The following ZNF564 variants were observed in gnomAD, a reference collection of about 807,000 sequenced individuals.
ZNF564 encodes zinc finger protein 564.
A neutral mutation model predicts 10.5 loss-of-function variants in ZNF564; 5 were observed. That is an observed-to-expected ratio of 0.48 (90% CI 0.25 to 1.00). The LOEUF is 1.00. ZNF564 is among the 50% of genes least tolerant of loss of function. ZNF564 has a pLI of 0.16. For synonymous variants in ZNF564, 242 were observed against 218.1 expected, an observed-to-expected ratio of 1.11 and a Z score of -0.97; for missense variants, 603 against 669.7, an observed-to-expected ratio of 0.90 and a Z score of 1.10.
At chr19:12,542,177 T>C (rs1048027096) in intron 1 of ZNF564, among the ~76,000 whole-genome samples, 1 of 150,554 alleles carries the variant, frequency 6.6e-6, no homozygotes, top group Non-Finnish European at 1.5e-5. Flanking sequence ...GGTATGGTGG[T>C]GGGCGCCTGT....
intron 1 of ZNF564, among the ~76,000 whole-genome samples, chr19:12,531,852 T>G (rs1174076392): frequency 1.3e-5 from 2 of 152,194 alleles, no homozygotes. Flanking sequence ...TGAATGTCAA[T>G]AGTCCAAATA....
chr19:12,528,719 T>G, intron 1 of ZNF564, 23 bp from the exon 2 acceptor site: 2 of 1,597,418 alleles, frequency 1.3e-6, no homozygotes, highest in Non-Finnish European at 1.7e-6. Flanking sequence ...AAATATGCAA[T>G]GCAGGAGGAA....
chr19:12,551,103 G>A (rs369067895), intron 1 of ZNF564, among the ~76,000 whole-genome samples: 5 of 152,238 alleles, frequency 3.3e-5, no homozygotes, highest in South Asian at 2.1e-4. Context: ...AGGGCTCCGA[G>A]GCCGAGGCCG....
At chr19:12,547,635 T>C (rs1298076005) in intron 1 of ZNF564, among the ~76,000 whole-genome samples, 2 of 151,986 alleles carry the variant, frequency 1.3e-5, no homozygotes, top group Non-Finnish European at 2.9e-5. Context: ...CTTCTCTCAG[T>C]ATAAAGGACC....
chr19:12,527,853 A>T lies in ZNF564; in HGVS notation c.255T>A (p.Ser85Arg). ...TGTTCAGATTAAGATTGAGAATCTG[A>T]CTGAAGGCTTCTCCACATTGATCAT... ...KEYDQCGEAF[S>R]QILNLNLNKK... Residue 85 changes from serine (S) to arginine (R), a missense_variant, in exon 4 of 4, where the codon AGT becomes AGA. Transcript: ENST00000339282. 6.2e-7 allele frequency: 1 copy of T among 1,614,004 alleles called. No individual in the cohort carries two copies. Among genetic ancestry groups the T allele is most frequent in the Non-Finnish European group, 8.5e-7 (1 of 1,179,914 alleles).
chr19:12,545,644 G>A (rs1190877822), intron 1 of ZNF564, among the ~76,000 whole-genome samples: 1 of 152,100 alleles, frequency 6.6e-6, no homozygotes, highest in African/African-American at 2.4e-5. Context: ...TCAATAATTT[G>A]CTAAAACTAT....
chr19:12,543,667 T>A (rs1367160173), intron 1 of ZNF564, among the ~76,000 whole-genome samples: 9 of 116,626 alleles, frequency 7.7e-5, no homozygotes, highest in Non-Finnish European at 1.4e-4. Flanking sequence ...AAGCGAGACT[T>A]CGTCTCAAAA....
intron 1 of ZNF564, among the ~76,000 whole-genome samples, chr19:12,544,940 G>A: frequency 6.6e-6 from 1 of 152,164 alleles, no homozygotes; most frequent in African/African-American, 2.4e-5. Flanking sequence ...GACCATTCAT[G>A]TGAAGATGTG....
At chr19:12,538,128 A>AACAC (rs1362625736) in intron 1 of ZNF564, among the ~76,000 whole-genome samples, 2 of 152,136 alleles carry the variant, frequency 1.3e-5, no homozygotes, top group African/African-American at 4.8e-5. Flanking sequence ...ATGATTGTAT[A>AACAC]ACACACATTC....
At chr19:12,550,015 G>C (rs907136676) in intron 1 of ZNF564, among the ~76,000 whole-genome samples, 13 of 152,216 alleles carry the variant, frequency 8.5e-5, no homozygotes, top group African/African-American at 3.1e-4. Flanking sequence ...TACCACGGCC[G>C]GGCGCGGTGG....
intron 1 of ZNF564, among the ~76,000 whole-genome samples, chr19:12,531,064 A>G (rs2145068578): frequency 6.6e-6 from 1 of 152,242 alleles, no homozygotes; most frequent in South Asian, 2.1e-4. Context: ...ATGGGTTCTG[A>G]GAAAGAATGA....
rs558237144 is a variant in ZNF564 at position 12,526,315 on chromosome 19, TAG to T, written c.*129_*130del. 2.5e-5 allele frequency: 24 copies of T among 946,522 alleles called. No individual in the cohort carries two copies. Among genetic ancestry groups the T allele is most frequent in the Admixed American group, 1.7e-4 (6 of 35,886 alleles). 58.6% of individuals were successfully genotyped at this position (946,522 alleles called of 1,614,324 possible). Reference sequence around the variant, plus strand: ...TCCAAAATATGAGACAGGCACAGGATAGAGATTCCTATTCCAAAAGTGAGAAA... The same window carrying T: ...TCCAAAATATGAGACAGGCACAGGATAGATTCCTATTCCAAAAGTGAGAAA... On this transcript the variant is annotated 3_prime_UTR_variant, in exon 4 of 4. Transcript: ENST00000339282.
In ZNF564 at chr19:12,547,579, C is replaced by G. The variant is rs191963791; in HGVS notation, c.3+3751G>C. Among the ~76,000 whole-genome samples, 428 of 152,226 alleles carry G rather than the reference C, an allele frequency of 2.8e-3. 2 individuals are homozygous for G. The highest frequency in any genetic ancestry group is 5.5e-3 in the Non-Finnish European group (372 of 68,008). Reference sequence around the variant, plus strand: ...CAACCTCAGACAGGGTATCACCCTCCCAACTATGCCTATGTGTGCATCCCC... The same window carrying G: ...CAACCTCAGACAGGGTATCACCCTCGCAACTATGCCTATGTGTGCATCCCC... On this transcript the variant is annotated intron_variant, in intron 1 of 3. Transcript: ENST00000339282.
intron 1 of ZNF564, among the ~76,000 whole-genome samples, chr19:12,538,866 C>A (rs1568264884): frequency 6.6e-6 from 1 of 151,968 alleles, no homozygotes; most frequent in African/African-American, 2.4e-5. Flanking sequence ...CAATTTTCAT[C>A]ATTATCAGAT....
At chr19:12,550,861 C>T (rs1462399647) in intron 1 of ZNF564, among the ~76,000 whole-genome samples, 2 of 152,032 alleles carry the variant, frequency 1.3e-5, no homozygotes, top group African/African-American at 4.8e-5. Flanking sequence ...AAAAGCTAGG[C>T]TAAAAAAAAC....
At chr19:12,539,771 A>C (rs1037505015) in intron 1 of ZNF564, among the ~76,000 whole-genome samples, 8 of 151,530 alleles carry the variant, frequency 5.3e-5, no homozygotes, top group Non-Finnish European at 1.2e-4. Flanking sequence ...GTCAGGAGAT[A>C]AAGACCATCC....
chr19:12,538,835 A>C (rs1413279552), intron 1 of ZNF564, among the ~76,000 whole-genome samples: 1 of 152,092 alleles, frequency 6.6e-6, no homozygotes, highest in Non-Finnish European at 1.5e-5. Flanking sequence ...ACTTTAGTTA[A>C]TAATAATGTT....
chr19:12,537,893 G>A (rs2021951749), intron 1 of ZNF564, among the ~76,000 whole-genome samples: 1 of 152,126 alleles, frequency 6.6e-6, no homozygotes, highest in Admixed American at 6.5e-5. Flanking sequence ...AAGTGCGTGT[G>A]TGGGGTGGGG....
intron 1 of ZNF564, among the ~76,000 whole-genome samples, chr19:12,543,937 C>T (rs764291287): frequency 5.3e-5 from 8 of 152,120 alleles, no homozygotes; most frequent in Non-Finnish European, 1.0e-4. Flanking sequence ...AGACAGCTTG[C>T]TTCCTCTCTC....
Sources: allele counts gnomAD v4.1 joint callset (sites outside exome capture counted in the v4.1 genomes callset), GRCh38; gene constraint gnomAD v4.1.1; transcripts MANE v1.5; gene names NCBI Gene and HGNC (gene_info 2026-07-23, HGNC 2026-07-21).